Variants in PPP6R3 observed in about 807,000 individuals in gnomAD.
PPP6R3 encodes the protein protein phosphatase 6 regulatory subunit 3.
Under a neutral mutation model 110.7 loss-of-function variants are expected in PPP6R3, and 38 were observed. The ratio of observed to expected loss-of-function variants is 0.34; its 90% CI spans 0.26 to 0.45. The LOEUF is 0.45. PPP6R3 is among the 20% of genes least tolerant of loss of function. PPP6R3 has a pLI of 1.00. For synonymous variants in PPP6R3, 369 were observed against 373.5 expected, an observed-to-expected ratio of 0.99 and a Z score of 0.14; for missense variants, 870 against 1,062.4, an observed-to-expected ratio of 0.82 and a Z score of 2.52.
At chr11:68,606,312 C>T (rs998803989) in intron 22 of PPP6R3, among the ~76,000 whole-genome samples, 3 of 151,628 alleles carry the variant, frequency 2.0e-5, no homozygotes, top group African/African-American at 4.9e-5. Flanking sequence ...CTTCCTCCTT[C>T]TTTCTTCTTC....
At chr11:68,499,809 G>A (rs1253337841) in intron 1 of PPP6R3, among the ~76,000 whole-genome samples, 1 of 152,080 alleles carries the variant, frequency 6.6e-6, no homozygotes, top group African/African-American at 2.4e-5. Context: ...CTGGGTTTGA[G>A]CATTCCTCCC....
In PPP6R3 at chr11:68,500,683, G is replaced by C. The variant is rs111420005; in HGVS notation, c.-157-18818G>C. ...AGTAGAGACAGGGTTTCACCATCTT[G>C]GCCAGGCTGGTCTTGAACTCCTGAC... is the stretch of plus-strand genomic sequence containing the variant. On this transcript the variant is annotated intron_variant, in intron 1 of 23. Coordinates refer to ENST00000393800, the MANE Select transcript of PPP6R3 (RefSeq NM_001164161.2). 3.4e-3 allele frequency among the ~76,000 whole-genome samples: 524 copies of C among 152,178 alleles called. 8 individuals carry two copies. Among genetic ancestry groups the C allele is most frequent in the African/African-American group, 0.012 (502 of 41,538 alleles).
chr11:68,497,095 G>A (rs545361989), intron 1 of PPP6R3, among the ~76,000 whole-genome samples: 6 of 151,234 alleles, frequency 4.0e-5, no homozygotes, highest in African/African-American at 1.5e-4. Context: ...CACCCAGGCG[G>A]GAGTGCAGTG....
intron 1 of PPP6R3, among the ~76,000 whole-genome samples, chr11:68,501,243 T>C (rs1027800384): frequency 6.6e-5 from 10 of 152,218 alleles, no homozygotes; most frequent in Non-Finnish European, 1.3e-4. Flanking sequence ...TCCAGTCTCT[T>C]TCTTTTCTAA....
rs138234574 is a variant in PPP6R3 at position 68,545,675 on chromosome 11, A to G, written c.414+651A>G. Reference sequence around the variant, plus strand: ...TTAGAAATGTAAGTTCTTGAGTCCTATTCCAGACCTGCTGAATCAGAAACT... The same window carrying G: ...TTAGAAATGTAAGTTCTTGAGTCCTGTTCCAGACCTGCTGAATCAGAAACT... On this transcript the variant is annotated intron_variant, in intron 4 of 23. Coordinates refer to ENST00000393800, the MANE Select transcript of PPP6R3 (RefSeq NM_001164161.2). Among the ~76,000 whole-genome samples the G allele has an allele frequency of 2.7e-3, 410 of 152,334 alleles. 4 individuals are homozygous for G. Among genetic ancestry groups the G allele is most frequent in the African/African-American group, 8.6e-3 (358 of 41,582 alleles).
intron 15 of PPP6R3, among the ~76,000 whole-genome samples, chr11:68,583,759 T>C (rs2099569797): frequency 6.6e-6 from 1 of 152,218 alleles, no homozygotes; most frequent in Non-Finnish European, 1.5e-5. Context: ...CTACTAGGTA[T>C]GGGAGTGAAA....
chr11:68,588,085 T>C, intron 16 of PPP6R3, 61 bp downstream of exon 16: 3 of 1,388,180 alleles, frequency 2.2e-6, no homozygotes, highest in South Asian at 2.3e-5. Context: ...GGTAGATGTA[T>C]GTGTGATTCT....
intron 19 of PPP6R3, among the ~76,000 whole-genome samples, chr11:68,596,714 C>G (rs2099614815): frequency 6.6e-6 from 1 of 152,200 alleles, no homozygotes; most frequent in South Asian, 2.1e-4. Context: ...GTGCCCTGCT[C>G]CTTGCTAGGA....
chr11:68,472,292 C>T (rs1313958253), intron 1 of PPP6R3, among the ~76,000 whole-genome samples: 1 of 152,152 alleles, frequency 6.6e-6, no homozygotes, highest in Admixed American at 6.5e-5. Flanking sequence ...TGTGGTTTAT[C>T]CTTCTTCACT....
chr11:68,508,121 C>CTTTTTTTTTTTTTTTTTTTTTTTTTTTTT (rs748376581), intron 1 of PPP6R3, among the ~76,000 whole-genome samples: 1 of 77,610 alleles, frequency 1.3e-5, no homozygotes, highest in African/African-American at 6.1e-5. Flanking sequence ...GTTTTTTGGC[C>CTTTTTTTTTTTTTTTTTTTTTTTTTTTTT]TTTTTTTTTT....
intron 6 of PPP6R3, among the ~76,000 whole-genome samples, chr11:68,552,581 C>T (rs566010432): frequency 1.3e-5 from 2 of 152,312 alleles, no homozygotes; most frequent in African/African-American, 2.4e-5. Flanking sequence ...AAGGTGCTCT[C>T]AACCTAGCTG....
At chr11:68,516,867 G>GT (rs142006121) in intron 1 of PPP6R3, among the ~76,000 whole-genome samples, 75 of 150,998 alleles carry the variant, frequency 5.0e-4, no homozygotes, top group East Asian at 2.7e-3. Context: ...CTTATTTCCT[G>GT]TTTTTTTTTC....
At chr11:68,558,733 TAA>T in intron 8 of PPP6R3, 54 bp downstream of exon 8, 1 of 1,388,474 alleles carries the variant, frequency 7.2e-7, no homozygotes, top group Non-Finnish European at 1.0e-6. Flanking sequence ...CTTTCAGATT[TAA>T]GAGTTAAATT....
chr11:68,596,351 GA>G, intron 19 of PPP6R3, 133 bp downstream of exon 19: 1 of 1,261,304 alleles, frequency 7.9e-7, no homozygotes, highest in Non-Finnish European at 1.1e-6. Context: ...GTTGTCAAGT[GA>G]ATTCCTCTTG....
chr11:68,502,402 A>G (rs1176462521), intron 1 of PPP6R3, among the ~76,000 whole-genome samples: 4 of 152,178 alleles, frequency 2.6e-5, no homozygotes, highest in Non-Finnish European at 5.9e-5. Context: ...ACCATAGTAC[A>G]GAGCATATAT....
intron 2 of PPP6R3, among the ~76,000 whole-genome samples, chr11:68,533,012 G>A (rs2099249515): frequency 6.6e-6 from 1 of 152,038 alleles, no homozygotes; most frequent in African/African-American, 2.4e-5. Flanking sequence ...GAATTTTAAA[G>A]GATAGTTATG....
Position 68,537,805 on chromosome 11 carries a change from T to A in PPP6R3, c.141T>A (p.Phe47Leu). Residue 47 changes from phenylalanine to leucine, a missense_variant, in exon 3 of 24, where the codon TTT becomes TTA. Phe to Leu is a conservative substitution (Grantham distance 22). Coordinates refer to ENST00000393800, the MANE Select transcript of PPP6R3 (RefSeq NM_001164161.2). ...CKAQNRKLIE[F>L]LLKAECLEDL... ...CTCAGAACCGCAAACTTATAGAGTT[T>A]CTGTTAAAAGCAGAATGTCTCGAAG... 2 of 1,614,114 alleles carry A rather than the reference T, an allele frequency of 1.2e-6. No homozygotes were observed. The highest frequency in any genetic ancestry group is 1.7e-6 in the Non-Finnish European group (2 of 1,179,958).
chr11:68,530,836 A>G (rs1441512418), intron 2 of PPP6R3, among the ~76,000 whole-genome samples: 2 of 152,362 alleles, frequency 1.3e-5, no homozygotes, highest in South Asian at 4.1e-4. Flanking sequence ...ACTTAGATAT[A>G]AAGTTGCCAA....
intron 3 of PPP6R3, among the ~76,000 whole-genome samples, chr11:68,539,122 A>T (rs1399027619): frequency 6.6e-6 from 1 of 152,206 alleles, no homozygotes; most frequent in Non-Finnish European, 1.5e-5. Flanking sequence ...TTCCCTTCAC[A>T]GTGAACTAGC....
Sources: allele counts gnomAD v4.1 joint callset (sites outside exome capture counted in the v4.1 genomes callset), GRCh38; gene constraint gnomAD v4.1.1; transcripts MANE v1.5; gene names NCBI Gene and HGNC (gene_info 2026-07-23, HGNC 2026-07-21).